Variants in MTMR2 observed in about 807,000 individuals in gnomAD.
The protein encoded by MTMR2 is phosphatidylinositol-3,5-bisphosphate 3-phosphatase MTMR2.
Under a neutral mutation model 86.9 loss-of-function variants are expected in MTMR2, and 55 were observed. The ratio of observed to expected loss-of-function variants is 0.63; its 90% CI spans 0.51 to 0.79. The LOEUF (loss-of-function observed/expected upper bound fraction) is 0.79, where lower values mean the gene tolerates loss of function less well. MTMR2 is among the 30% of genes least tolerant of loss of function. The probability of loss-of-function intolerance (pLI) is 0.00; values close to 1 mark genes in which losing one functional copy is unlikely to be tolerated. For synonymous variants in MTMR2, 241 were observed against 266.8 expected (o/e 0.90, Z 0.94); for missense variants, 659 against 772.3 (o/e 0.85, Z 1.74).
At chr11:95,901,807 G>T (rs1866083923) in intron 1 of MTMR2, among the ~76,000 whole-genome samples, 1 of 152,154 alleles carries the variant, frequency 6.6e-6, no homozygotes. Flanking sequence ...ATGCTCCTTG[G>T]AGCAGATAAA....
intron 1 of MTMR2, among the ~76,000 whole-genome samples, chr11:95,894,613 T>C (rs905727853): frequency 2.0e-5 from 3 of 152,168 alleles, no homozygotes; most frequent in African/African-American, 7.2e-5. Flanking sequence ...ATAAATATTA[T>C]TCCCACTATG....
intron 1 of MTMR2, among the ~76,000 whole-genome samples, chr11:95,893,198 T>G (rs1865770273): frequency 6.6e-6 from 1 of 152,138 alleles, no homozygotes; most frequent in African/African-American, 2.4e-5. Flanking sequence ...AAAGATAAAC[T>G]GTCAACAACC....
intron 1 of MTMR2, among the ~76,000 whole-genome samples, chr11:95,900,090 G>A (rs184946220): frequency 9.2e-5 from 14 of 152,192 alleles, no homozygotes; most frequent in African/African-American, 1.4e-4. Context: ...ACAACGGAAC[G>A]AGGCCACATA....
chr11:95,917,758 G>GT (rs1286197634), intron 1 of MTMR2, among the ~76,000 whole-genome samples: 1 of 152,162 alleles, frequency 6.6e-6, no homozygotes. Context: ...TCATCATAAA[G>GT]TTTGTTACCC....
At chr11:95,905,361 A>G (rs942218789) in intron 1 of MTMR2, among the ~76,000 whole-genome samples, 2 of 150,770 alleles carry the variant, frequency 1.3e-5, no homozygotes, top group Non-Finnish European at 3.0e-5. Flanking sequence ...ACACACACAC[A>G]CACACACAAC....
At chr11:95,872,450 T>G (rs1864926264) in intron 2 of MTMR2, among the ~76,000 whole-genome samples, 1 of 152,220 alleles carries the variant, frequency 6.6e-6, no homozygotes, top group Non-Finnish European at 1.5e-5. Flanking sequence ...TTGTGATTTT[T>G]GCATATTGAT....
At chr11:95,872,992 T>C (rs1864952868) in intron 2 of MTMR2, among the ~76,000 whole-genome samples, 1 of 152,220 alleles carries the variant, frequency 6.6e-6, no homozygotes, top group Non-Finnish European at 1.5e-5. Context: ...GATAAGCTTT[T>C]TGATGTGCTG....
At chr11:95,891,976 A>C (rs551653073) in intron 1 of MTMR2, among the ~76,000 whole-genome samples, 33 of 152,304 alleles carry the variant, frequency 2.2e-4, no homozygotes, top group African/African-American at 7.5e-4. Context: ...TGCTGCCTTT[A>C]GCAGCTACTC....
At chr11:95,916,826 T>C (rs1309491815) in intron 1 of MTMR2, among the ~76,000 whole-genome samples, 1 of 152,136 alleles carries the variant, frequency 6.6e-6, no homozygotes. Context: ...TTTGAAAGAA[T>C]AAATATTCAC....
At chr11:95,862,230 CA>C in intron 4 of MTMR2, 41 bp downstream of exon 4, 3 of 1,556,684 alleles carry the variant, frequency 1.9e-6, no homozygotes, top group Non-Finnish European at 2.7e-6. Context: ...TAGCTACAAA[CA>C]ACACACTCAT....
intron 1 of MTMR2, among the ~76,000 whole-genome samples, chr11:95,895,919 T>C (rs1389327660): frequency 1.3e-5 from 2 of 152,064 alleles, no homozygotes; most frequent in African/African-American, 2.4e-5. Flanking sequence ...AAACAACCCA[T>C]GTCATTCCCC....
intron 2 of MTMR2, among the ~76,000 whole-genome samples, chr11:95,879,016 G>A (rs1865226718): frequency 6.6e-6 from 1 of 151,976 alleles, no homozygotes; most frequent in Non-Finnish European, 1.5e-5. Flanking sequence ...TAGAAGTTAA[G>A]GAACTTTTCC....
In MTMR2 at chr11:95,841,720, A is replaced by C. The variant is rs1447228114; in HGVS notation, c.1387-11T>G. On this transcript the variant is annotated splice_polypyrimidine_tract_variant and intron_variant, in intron 11 of 14. Coordinates refer to ENST00000346299, the MANE Select transcript of MTMR2 (RefSeq NM_016156.6). The stretch of plus-strand genomic sequence containing the variant: ...TCCATGGCCAACTCTCTGAAGCAAA[A>C]AGAGTGAAATATATGAACTTAGGGG... The C allele has an allele frequency of 6.4e-7, 1 of 1,568,424 alleles. No homozygotes were observed. Among genetic ancestry groups the C allele is most frequent in the Non-Finnish European group, 8.8e-7 (1 of 1,141,438 alleles).
chr11:95,835,868 G>C (rs979864357), intron 14 of MTMR2, among the ~76,000 whole-genome samples: 2 of 151,932 alleles, frequency 1.3e-5, no homozygotes, highest in African/African-American at 4.8e-5. Flanking sequence ...ACTTTCTTCA[G>C]CTTATTAAAA....
At chr11:95,848,065 G>A (rs1343114418) in intron 9 of MTMR2, among the ~76,000 whole-genome samples, 166 bp from the exon 10 acceptor site, 4 of 152,184 alleles carry the variant, frequency 2.6e-5, no homozygotes, top group East Asian at 3.9e-4. Flanking sequence ...ACAACCACTC[G>A]CTTTCTTGTG....
At chr11:95,914,627 T>C (rs1187702594) in intron 1 of MTMR2, among the ~76,000 whole-genome samples, 1 of 152,086 alleles carries the variant, frequency 6.6e-6, no homozygotes, top group Admixed American at 6.5e-5. Flanking sequence ...TCTCTCCAAA[T>C]ACAAACTCTC....
chr11:95,859,470 G>A (rs914311969), intron 5 of MTMR2, among the ~76,000 whole-genome samples: 1 of 152,160 alleles, frequency 6.6e-6, no homozygotes, highest in African/African-American at 2.4e-5. Flanking sequence ...AACACTTTGG[G>A]TGGACAAAGC....
chr11:95,844,523 G>A (rs538672062), intron 11 of MTMR2, among the ~76,000 whole-genome samples: 1 of 152,248 alleles, frequency 6.6e-6, no homozygotes, highest in South Asian at 2.1e-4. Context: ...CTGTTCATGG[G>A]ATCTGGGAAC....
At chr11:95,858,732 G>T in intron 5 of MTMR2, 100 bp from the exon 6 acceptor site, 1 of 793,070 alleles carries the variant, frequency 1.3e-6, no homozygotes, top group Non-Finnish European at 2.1e-6. Flanking sequence ...TAAGATCTGT[G>T]AATGTGGGAT....
Sources: allele counts gnomAD v4.1 joint callset (sites outside exome capture counted in the v4.1 genomes callset), GRCh38; gene constraint gnomAD v4.1.1; transcripts MANE v1.5; gene names NCBI Gene and HGNC (gene_info 2026-07-23, HGNC 2026-07-21).